The following CACHD1 variants were observed in gnomAD, a reference collection of about 807,000 sequenced individuals.
CACHD1 encodes cache domain containing 1, also known as VWFA and cache domain-containing protein 1.
CACHD1 carries 71 observed loss-of-function variants against 138.7 expected under a neutral mutation model. The ratio of observed to expected loss-of-function variants is 0.51; its 90% confidence interval spans 0.42 to 0.62. CACHD1 has a LOEUF of 0.62. CACHD1 is among the 20% of genes least tolerant of loss of function. CACHD1 has a pLI of 0.00. For missense variants in CACHD1, 1,389 were observed against 1,625.3 expected (o/e 0.85, Z 2.50); for synonymous variants, 578 against 591.5 (o/e 0.98, Z 0.33).
Position 64,666,128 on chromosome 1 carries a change from G to A in CACHD1, c.2348G>A (p.Gly783Asp), listed in dbSNP as rs757389892. ...CCTTACTTAGATGTTGGAGGAGCTGGTTATGTTGTGACAATCAGTCACACA... is the reference window on the plus strand; with the variant it reads ...CCTTACTTAGATGTTGGAGGAGCTGATTATGTTGTGACAATCAGTCACACA... ...TGPYLDVGGAGYVVTISHTIH... is the reference protein window; with the variant it reads ...TGPYLDVGGADYVVTISHTIH... The change falls in exon 16 of 27, where the codon GGT (glycine) becomes GAT (aspartate). Residue 783 changes from glycine to aspartate, a missense_variant. This residue lies in a region of CACHD1 where 1,000 missense variants were observed against 1,114.7 expected (regional missense o/e 0.90). Coordinates refer to ENST00000651257, the MANE Select transcript of CACHD1 (RefSeq NM_020925.4). 1 of 1,612,306 alleles carries A rather than the reference G, an allele frequency of 6.2e-7. No individual in the cohort carries two copies. The highest frequency in any genetic ancestry group is 1.1e-5 in the South Asian group (1 of 90,930).
Position 64,691,727 on chromosome 1 carries a change from A to T in CACHD1, c.*166A>T. ...CTGTCGACATGGTTAAAAACGAGAG[A>T]AACAACAACACAGTCACATTTGTGA... On this transcript the variant is annotated 3_prime_UTR_variant, in exon 27 of 27. Transcript: ENST00000651257. 3.2e-6 allele frequency: 2 copies of T among 622,414 alleles called. No individual in the cohort carries two copies. Among genetic ancestry groups the T allele is most frequent in the Non-Finnish European group, 5.6e-6 (2 of 355,474 alleles). 38.6% of individuals were successfully genotyped at this position (622,414 alleles called of 1,614,324 possible).
chr1:64,587,479 A>G (rs1341343066), intron 3 of CACHD1, among the ~76,000 whole-genome samples: 1 of 152,212 alleles, frequency 6.6e-6, no homozygotes, highest in Non-Finnish European at 1.5e-5. Context: ...GACGGGTTTC[A>G]TACTTTCCTT....
chr1:64,653,798 A>G lies in CACHD1; in HGVS notation c.1581A>G (p.Leu527=). 6.2e-7 allele frequency: 1 copy of G among 1,613,360 alleles called. No homozygotes were observed. The highest frequency in any genetic ancestry group is 8.5e-7 in the Non-Finnish European group (1 of 1,179,420). The change falls in exon 11 of 27, where the codon TTA becomes TTG. Residue 527 remains leucine (L), a synonymous_variant. Coordinates refer to ENST00000651257, the MANE Select transcript of CACHD1 (RefSeq NM_020925.4). ...ACCCATCTCTTACCAGGCCATATTT[A>G]TTGTCAGAGCCCCCACTTCATACTG... is the stretch of plus-strand genomic sequence containing the variant. ...LMHPSLTRPY[L]LSEPPLHTDI...
At chr1:64,524,446 G>A (rs1427927281) in intron 1 of CACHD1, among the ~76,000 whole-genome samples, 1 of 152,114 alleles carries the variant, frequency 6.6e-6, no homozygotes, top group African/African-American at 2.4e-5. Flanking sequence ...CCACTTACTG[G>A]GTTTTTAACT....
chr1:64,634,723 G>A lies in CACHD1; in HGVS notation c.1006+463G>A, dbSNP rs188369349. On this transcript the variant is annotated intron_variant, in intron 7 of 26. Transcript: ENST00000651257. Reference sequence around the variant, plus strand: ...AAAAAATTGATTGGGGGCGAGGTGCGGTGGCTCACGCCTATAATCCCAGCA... The same window carrying A: ...AAAAAATTGATTGGGGGCGAGGTGCAGTGGCTCACGCCTATAATCCCAGCA... Among the ~76,000 whole-genome samples the A allele has an allele frequency of 6.6e-4, 100 of 152,144 alleles. 2 individuals are homozygous for A. In the South Asian group the frequency reaches 0.018, roughly 28 times the overall value.
chr1:64,691,829 C>T lies in CACHD1; in HGVS notation c.*268C>T, dbSNP rs749067745. ...CTGCCATAACACTAATGGAAGGTAA[C>T]AGAAGGCGAACCTCCAAACACAGAG... On this transcript the variant is annotated 3_prime_UTR_variant, in exon 27 of 27. Coordinates refer to ENST00000651257, the MANE Select transcript of CACHD1 (RefSeq NM_020925.4). The T allele has an allele frequency of 4.5e-6, 2 of 444,058 alleles. No individual in the cohort carries two copies. The highest frequency in any genetic ancestry group is 3.5e-5 in the Admixed American group (1 of 28,872). The allele number at this position is 444,058 out of a possible 1,614,324, so 27.5% of individuals were successfully genotyped here. A position where few individuals can be genotyped will look rare whatever the true frequency, so the allele number is the denominator to read the frequency against.
At chr1:64,557,824 AG>A (rs1480056982) in intron 2 of CACHD1, among the ~76,000 whole-genome samples, 1 of 151,786 alleles carries the variant, frequency 6.6e-6, no homozygotes, top group Non-Finnish European at 1.5e-5. Flanking sequence ...ATTTTAACAG[AG>A]TCTCTCCCAG....
intron 20 of CACHD1, 95 bp downstream of exon 20, chr1:64,675,656 C>A: frequency 7.1e-7 from 1 of 1,415,000 alleles, no homozygotes; most frequent in South Asian, 1.3e-5. Context: ...ACAGAAAGTG[C>A]TGGTGTGTGT....
At chr1:64,673,107 A>G in intron 17 of CACHD1, 51 bp from the exon 18 acceptor site, 1 of 1,502,220 alleles carries the variant, frequency 6.7e-7, no homozygotes, top group Non-Finnish European at 9.2e-7. Context: ...TACGTTTGAA[A>G]AAAAAAAAAA....
At chr1:64,515,565 T>C (rs1646452637) in intron 1 of CACHD1, among the ~76,000 whole-genome samples, 2 of 152,252 alleles carry the variant, frequency 1.3e-5, no homozygotes, top group South Asian at 2.1e-4. Flanking sequence ...AGTATTTGTG[T>C]TGATATGGCT....
intron 1 of CACHD1, among the ~76,000 whole-genome samples, chr1:64,498,997 CAGTT>C (rs1342446421): frequency 6.6e-6 from 1 of 152,102 alleles, no homozygotes; most frequent in Non-Finnish European, 1.5e-5. Context: ...ACTGATTTCC[CAGTT>C]AGTTTGGGGT....
chr1:64,480,900 G>A (rs557061984), intron 1 of CACHD1, among the ~76,000 whole-genome samples: 8 of 137,494 alleles, frequency 5.8e-5, no homozygotes, highest in African/African-American at 1.7e-4. Flanking sequence ...TTTTTTTTTT[G>A]GGTGAAAATT....
At chr1:64,663,864 C>G in intron 14 of CACHD1, 27 bp downstream of exon 14, 1 of 1,613,786 alleles carries the variant, frequency 6.2e-7, no homozygotes, top group Admixed American at 1.7e-5. Context: ...AGCTCCATTT[C>G]TGGTGTCCCC....
At chr1:64,523,712 T>A (rs1292705809) in intron 1 of CACHD1, among the ~76,000 whole-genome samples, 2 of 152,208 alleles carry the variant, frequency 1.3e-5, no homozygotes, top group South Asian at 4.1e-4. Context: ...ATTCTGTAAA[T>A]CTTTGTACTT....
chr1:64,666,281 G>T, intron 16 of CACHD1, 114 bp downstream of exon 16: 1 of 573,034 alleles, frequency 1.7e-6, no homozygotes, highest in Non-Finnish European at 3.0e-6. Context: ...GACCTTTAAA[G>T]TGAGGCCAGC....
At chr1:64,536,841 C>T (rs184613254) in intron 1 of CACHD1, among the ~76,000 whole-genome samples, 7 of 152,132 alleles carry the variant, frequency 4.6e-5, no homozygotes, top group Admixed American at 3.3e-4. Flanking sequence ...GCTGGTCATG[C>T]CATTTAATTT....
At chr1:64,498,282 T>C (rs1405316524) in intron 1 of CACHD1, among the ~76,000 whole-genome samples, 1 of 152,216 alleles carries the variant, frequency 6.6e-6, no homozygotes, top group Non-Finnish European at 1.5e-5. Context: ...AAATCACTCA[T>C]GTACAGTACC....
At chr1:64,497,548 G>C (rs1353441329) in intron 1 of CACHD1, among the ~76,000 whole-genome samples, 1 of 152,076 alleles carries the variant, frequency 6.6e-6, no homozygotes, top group Non-Finnish European at 1.5e-5. Context: ...CAGCTATTTG[G>C]AGTCATATAG....
chr1:64,692,803 C>T lies in CACHD1; in HGVS notation c.*1242C>T, dbSNP rs1650604147. The T allele has an allele frequency of 6.6e-6, 1 of 152,362 alleles. No individual in the cohort carries two copies. The allele number at this position is 152,362 out of a possible 1,614,324, so 9.4% of individuals were successfully genotyped here. A position where few individuals can be genotyped will look rare whatever the true frequency, so the allele number is the denominator to read the frequency against. On this transcript the variant is annotated 3_prime_UTR_variant, in exon 27 of 27. Coordinates refer to ENST00000651257, the MANE Select transcript of CACHD1 (RefSeq NM_020925.4). ...ATTACAGTGATGTATTTTAGACTCA[C>T]ATTTTGTGATTCAAATATGTTATAA...
Sources: allele counts gnomAD v4.1 joint callset (sites outside exome capture counted in the v4.1 genomes callset), GRCh38; gene constraint gnomAD v4.1.1; regional missense constraint gnomAD v4.1.1; transcripts MANE v1.5; gene names NCBI Gene and HGNC (gene_info 2026-07-23, HGNC 2026-07-21).